Variants in PCOLCE2 observed in about 807,000 individuals in gnomAD.
PCOLCE2 encodes the protein procollagen C-endopeptidase enhancer 2, also known as procollagen C-proteinase enhancer 2.
In PCOLCE2, 42 loss-of-function variants were observed where a neutral mutation model predicts 47.0. The ratio of observed to expected loss-of-function variants is 0.89; its 90% CI spans 0.70 to 1.16. The LOEUF is 1.16. Among genes scored for constraint, PCOLCE2 ranks in the 50% most tolerant of loss-of-function variants. The probability of loss-of-function intolerance (pLI) is 0.00; values close to 1 mark genes in which losing one functional copy is unlikely to be tolerated. For missense variants in PCOLCE2, 500 were observed against 526.1 expected (o/e 0.95, Z 0.49); for synonymous variants, 169 against 191.7 (o/e 0.88, Z 0.98).
intron 6 of PCOLCE2, among the ~76,000 whole-genome samples, chr3:142,825,220 T>C (rs560545707): frequency 1.3e-5 from 2 of 152,000 alleles, no homozygotes; most frequent in African/African-American, 2.4e-5. Context: ...CCCGGGCCCA[T>C]TGGGAACCGG....
chr3:142,848,747 A>G (rs1031766100), intron 2 of PCOLCE2, among the ~76,000 whole-genome samples: 9 of 152,224 alleles, frequency 5.9e-5, no homozygotes, highest in Non-Finnish European at 1.0e-4. Context: ...TTAGGTCAGT[A>G]TTATTAATAG....
intron 2 of PCOLCE2, among the ~76,000 whole-genome samples, chr3:142,855,621 T>A (rs1933046295): frequency 6.6e-6 from 1 of 152,190 alleles, no homozygotes. Flanking sequence ...GGAGTCGACA[T>A]TTCCCAGCCT....
chr3:142,844,024 A>G (rs1206631850), intron 3 of PCOLCE2, among the ~76,000 whole-genome samples: 2 of 152,160 alleles, frequency 1.3e-5, no homozygotes, highest in Non-Finnish European at 2.9e-5. Context: ...CTATTATTCT[A>G]TCTATATTGC....
At chr3:142,883,711 A>C (rs79876885) in intron 2 of PCOLCE2, among the ~76,000 whole-genome samples, 6,886 of 152,256 alleles carry the variant, frequency 0.045, 484 homozygotes, top group African/African-American at 0.15. Flanking sequence ...AAAAAAAAAA[A>C]AACACATATT....
intron 2 of PCOLCE2, among the ~76,000 whole-genome samples, chr3:142,854,398 A>T (rs1470733133): frequency 1.3e-5 from 2 of 152,240 alleles, no homozygotes; most frequent in African/African-American, 4.8e-5. Flanking sequence ...AAGGTAGTCC[A>T]GAAAGATCTA....
chr3:142,820,693 A>T (rs1425455669), intron 8 of PCOLCE2, among the ~76,000 whole-genome samples, 185 bp downstream of exon 8: 1 of 152,182 alleles, frequency 6.6e-6, no homozygotes, highest in Admixed American at 6.5e-5. Flanking sequence ...CATCATGTCC[A>T]CTACCCCTTC....
Position 142,848,195 on chromosome 3 carries a change from T to C in PCOLCE2, c.448+22A>G, listed in dbSNP as rs771490941. 9 of 1,607,830 alleles carry C rather than the reference T, an allele frequency of 5.6e-6. No homozygotes were observed. In the South Asian group the frequency reaches 8.8e-5, roughly 16 times the overall value. Reference sequence around the variant, plus strand: ...AGTGAACCAACATTACTGTTGTTATTGCCATTATGTGGAAACAGTACCTCT... The same window carrying C: ...AGTGAACCAACATTACTGTTGTTATCGCCATTATGTGGAAACAGTACCTCT... On this transcript the variant is annotated intron_variant, in intron 3 of 8. Transcript: ENST00000295992.
At chr3:142,879,950 G>C (rs375870992) in intron 2 of PCOLCE2, among the ~76,000 whole-genome samples, 1 of 133,010 alleles carries the variant, frequency 7.5e-6, no homozygotes, top group African/African-American at 2.8e-5. Flanking sequence ...CAGCCTGGGC[G>C]ACAGAGCGAG....
chr3:142,825,554 T>C (rs886451438), intron 6 of PCOLCE2, among the ~76,000 whole-genome samples: 4 of 152,178 alleles, frequency 2.6e-5, no homozygotes, highest in African/African-American at 7.2e-5. Flanking sequence ...TGGCTGTTCA[T>C]TGCCAGTCTA....
intron 2 of PCOLCE2, among the ~76,000 whole-genome samples, chr3:142,878,479 G>T (rs1303559453): frequency 6.6e-6 from 1 of 152,096 alleles, no homozygotes; most frequent in East Asian, 1.9e-4. Flanking sequence ...GTTGAGAGTG[G>T]GGATTACAGT....
chr3:142,861,625 T>G (rs1933184408), intron 2 of PCOLCE2, among the ~76,000 whole-genome samples: 1 of 151,538 alleles, frequency 6.6e-6, no homozygotes, highest in African/African-American at 2.4e-5. Context: ...CGATAATGAT[T>G]ATTATTTTGA....
At chr3:142,827,466 T>C (rs1344270930) in intron 6 of PCOLCE2, 2 of 1,534,496 alleles carry the variant, frequency 1.3e-6, no homozygotes, top group Non-Finnish European at 9.0e-7. Context: ...GAGATAGCAG[T>C]GGCATAGTTC....
At chr3:142,824,539 G>A (rs1937052082) in intron 6 of PCOLCE2, among the ~76,000 whole-genome samples, 1 of 152,220 alleles carries the variant, frequency 6.6e-6, no homozygotes, top group South Asian at 2.1e-4. Context: ...GAACTAAACA[G>A]AACCACGGTA....
intron 3 of PCOLCE2, among the ~76,000 whole-genome samples, chr3:142,847,159 T>C (rs1406227784): frequency 1.3e-5 from 2 of 152,270 alleles, no homozygotes; most frequent in Non-Finnish European, 2.9e-5. Context: ...AGGCAGCAGC[T>C]GTAATCTCTT....
Position 142,873,825 on chromosome 3 carries a change from C to T in PCOLCE2, c.192+13844G>A, listed in dbSNP as rs560400839. Among the ~76,000 whole-genome samples, 9 of 152,210 alleles carry T rather than the reference C, an allele frequency of 5.9e-5. No homozygotes were observed. The South Asian group carries it at 1.2e-3, about 21-fold the overall frequency. On this transcript the variant is annotated intron_variant, in intron 2 of 8. Coordinates refer to ENST00000295992, the MANE Select transcript of PCOLCE2 (RefSeq NM_013363.4). ...ATAATGACACACTCGGGGGGTGGAACGCAACTAGAGACATAGCAGGGGAGG... is the reference window on the plus strand; with the variant it reads ...ATAATGACACACTCGGGGGGTGGAATGCAACTAGAGACATAGCAGGGGAGG...
At chr3:142,865,552 AG>A (rs1412351564) in intron 2 of PCOLCE2, among the ~76,000 whole-genome samples, 2 of 152,248 alleles carry the variant, frequency 1.3e-5, no homozygotes, top group Admixed American at 6.5e-5. Flanking sequence ...TGCATTGGCT[AG>A]GAACACTGGT....
At chr3:142,867,368 G>A (rs1023127081) in intron 2 of PCOLCE2, among the ~76,000 whole-genome samples, 5 of 152,172 alleles carry the variant, frequency 3.3e-5, no homozygotes, top group Non-Finnish European at 7.3e-5. Context: ...TAGCAAGAAA[G>A]TAGTAACTGC....
chr3:142,885,072 C>T (rs1028889817), intron 2 of PCOLCE2, among the ~76,000 whole-genome samples: 2 of 152,072 alleles, frequency 1.3e-5, no homozygotes, highest in African/African-American at 4.8e-5. Context: ...TTCCAATCTG[C>T]AGGCTGTACT....
intron 3 of PCOLCE2, among the ~76,000 whole-genome samples, chr3:142,845,355 C>T (rs181802706): frequency 2.0e-5 from 3 of 152,318 alleles, no homozygotes; most frequent in Admixed American, 2.0e-4. Flanking sequence ...AAACATATTA[C>T]ATCATACACT....
Sources: gnomAD v4.1 joint callset for allele counts (sites outside exome capture counted in the v4.1 genomes callset) on GRCh38, gnomAD v4.1.1 for gene constraint, MANE v1.5 for transcripts, NCBI Gene and HGNC (gene_info 2026-07-23, HGNC 2026-07-21) for gene names.